Variants in RALYL observed in about 807,000 individuals in gnomAD.
RALYL encodes the protein RNA-binding Raly-like protein.
A neutral mutation model predicts 35.1 loss-of-function variants in RALYL; 29 were observed. The observed-to-expected ratio is 0.83, with a 90% CI of 0.61 to 1.13. RALYL has a LOEUF of 1.13. Ranked by LOEUF, RALYL falls within the 50% of genes most tolerant of loss-of-function variation. RALYL has a pLI of 0.00. For missense variants in RALYL, 359 were observed against 360.4 expected (o/e 1.00, Z 0.03); for synonymous variants, 120 against 127.6 (o/e 0.94, Z 0.40).
chr8:84,539,354 T>C (rs1235308504), intron 2 of RALYL, among the ~76,000 whole-genome samples: 2 of 152,118 alleles, frequency 1.3e-5, no homozygotes, highest in Non-Finnish European at 2.9e-5. Context: ...AGATATCCAA[T>C]TAAGTCCTAC....
chr8:84,659,585 C>A (rs1307367844), intron 2 of RALYL, among the ~76,000 whole-genome samples: 4 of 152,034 alleles, frequency 2.6e-5, no homozygotes, highest in Admixed American at 6.6e-5. Context: ...ATCAGAAGAA[C>A]TTGACAAAGA....
intron 2 of RALYL, among the ~76,000 whole-genome samples, chr8:84,602,586 A>G (rs555065877): frequency 6.6e-6 from 1 of 152,224 alleles, no homozygotes; most frequent in South Asian, 2.1e-4. Flanking sequence ...ATTTTTCCAG[A>G]GTTTTAAAGA....
intron 4 of RALYL, among the ~76,000 whole-genome samples, chr8:84,839,835 A>G (rs1832825477): frequency 1.3e-5 from 2 of 152,312 alleles, no homozygotes; most frequent in East Asian, 3.9e-4. Flanking sequence ...TGCAGCCACG[A>G]CTGCTGATGC....
At chr8:84,336,343 CT>C (rs1847802248) in intron 1 of RALYL, among the ~76,000 whole-genome samples, 1 of 152,006 alleles carries the variant, frequency 6.6e-6, no homozygotes, top group Non-Finnish European at 1.5e-5. Flanking sequence ...TCAACCCAGG[CT>C]TTTTTATTTT....
chr8:84,351,562 A>T (rs1285808503), intron 1 of RALYL, among the ~76,000 whole-genome samples: 1 of 149,216 alleles, frequency 6.7e-6, no homozygotes. Context: ...GGCCAACTAG[A>T]TACCCTTCAA....
At chr8:84,770,473 A>T (rs77524513) in intron 2 of RALYL, among the ~76,000 whole-genome samples, 1 of 143,292 alleles carries the variant, frequency 7.0e-6, no homozygotes, top group African/African-American at 2.6e-5. Context: ...GGCTCGTTCC[A>T]TATTTTTGCA....
chr8:84,707,840 T>C (rs773499784), intron 2 of RALYL, among the ~76,000 whole-genome samples: 9 of 152,156 alleles, frequency 5.9e-5, no homozygotes, highest in Admixed American at 3.3e-4. Flanking sequence ...TGTAATACAA[T>C]GGTTTGCATT....
intron 1 of RALYL, among the ~76,000 whole-genome samples, chr8:84,235,761 C>CTTTTTTTTTT (rs200486763): frequency 1.4e-5 from 2 of 138,214 alleles, no homozygotes; most frequent in East Asian, 2.1e-4. Flanking sequence ...TTTTCTTTTT[C>CTTTTTTTTTT]TTTTTCTTTT....
chr8:84,629,237 T>G (rs898572944), intron 2 of RALYL, among the ~76,000 whole-genome samples: 2 of 152,060 alleles, frequency 1.3e-5, no homozygotes, highest in African/African-American at 4.8e-5. Flanking sequence ...GCAGAAACCT[T>G]TGTCTATTTT....
intron 3 of RALYL, among the ~76,000 whole-genome samples, chr8:84,785,691 G>C (rs1819274585): frequency 6.6e-6 from 1 of 151,986 alleles, no homozygotes; most frequent in African/African-American, 2.4e-5. Context: ...ATTTATAATA[G>C]TGAGTAATTT....
intron 2 of RALYL, among the ~76,000 whole-genome samples, chr8:84,570,269 T>C (rs1293279117): frequency 6.6e-6 from 1 of 151,864 alleles, no homozygotes; most frequent in East Asian, 1.9e-4. Flanking sequence ...TTCATCAGTA[T>C]TTTTAGTTCT....
chr8:84,757,101 C>T (rs1811610615), intron 2 of RALYL, among the ~76,000 whole-genome samples: 1 of 151,872 alleles, frequency 6.6e-6, no homozygotes, highest in Non-Finnish European at 1.5e-5. Flanking sequence ...CATATTTCTC[C>T]ATGTAGAAAT....
At chr8:84,431,823 G>A (rs2047177611) in intron 1 of RALYL, among the ~76,000 whole-genome samples, 1 of 152,002 alleles carries the variant, frequency 6.6e-6, no homozygotes, top group African/African-American at 2.4e-5. Flanking sequence ...TCATATCTTG[G>A]CTAATGTGAA....
intron 1 of RALYL, among the ~76,000 whole-genome samples, chr8:84,336,735 G>T (rs74345041): frequency 0.029 from 4,458 of 152,058 alleles, 111 homozygotes; most frequent in Non-Finnish European, 0.035. Flanking sequence ...AACAGCTACT[G>T]CCAACAGTTT....
intron 1 of RALYL, among the ~76,000 whole-genome samples, chr8:84,444,217 T>A (rs2048628874): frequency 6.6e-6 from 1 of 152,028 alleles, no homozygotes; most frequent in Non-Finnish European, 1.5e-5. Context: ...TAGTCCTAGA[T>A]GCTTGCGAAG....
chr8:84,904,966 T>A (rs978687673), intron 8 of RALYL, among the ~76,000 whole-genome samples: 4 of 152,154 alleles, frequency 2.6e-5, no homozygotes, highest in Non-Finnish European at 5.9e-5. Context: ...TAACATGAGA[T>A]CTACCATCTT....
At chr8:84,375,794 G>A (rs1856793098) in intron 1 of RALYL, among the ~76,000 whole-genome samples, 1 of 151,812 alleles carries the variant, frequency 6.6e-6, no homozygotes, top group Non-Finnish European at 1.5e-5. Flanking sequence ...TTTGAAATAT[G>A]TAAGAGTGAA....
At chr8:84,557,949 A>G (rs1452145429) in intron 2 of RALYL, among the ~76,000 whole-genome samples, 1 of 152,192 alleles carries the variant, frequency 6.6e-6, no homozygotes, top group Non-Finnish European at 1.5e-5. Flanking sequence ...CCTGAAGCAT[A>G]CAAGTAAGTA....
chr8:84,566,771 A>G (rs1461030002), intron 2 of RALYL, among the ~76,000 whole-genome samples: 1 of 151,670 alleles, frequency 6.6e-6, no homozygotes, highest in Non-Finnish European at 1.5e-5. Context: ...CAAACAATGG[A>G]CCTCTAGTTT....
Sources: allele counts gnomAD v4.1 joint callset (sites outside exome capture counted in the v4.1 genomes callset), GRCh38; gene constraint gnomAD v4.1.1; transcripts MANE v1.5; gene names NCBI Gene and HGNC (gene_info 2026-07-23, HGNC 2026-07-21).